The following GRID1 variants were observed in gnomAD, a reference collection of about 807,000 sequenced individuals.
The protein encoded by GRID1 is glutamate ionotropic receptor delta type subunit 1, also known as glutamate receptor ionotropic, delta-1.
In GRID1, 28 loss-of-function variants were observed where a neutral mutation model predicts 98.0. That is an observed-to-expected ratio of 0.29 (90% CI 0.21 to 0.39). The LOEUF (loss-of-function observed/expected upper bound fraction) is 0.39, where lower values mean the gene tolerates loss of function less well. GRID1 is among the 10% of genes least tolerant of loss of function. GRID1 has a pLI of 1.00. For synonymous variants in GRID1, 553 were observed against 538.5 expected (o/e 1.03, Z -0.37); for missense variants, 1,111 against 1,340.5 (o/e 0.83, Z 2.67).
intron 4 of GRID1, among the ~76,000 whole-genome samples, chr10:86,067,095 A>G (rs1003657547): frequency 6.6e-6 from 1 of 152,242 alleles, no homozygotes; most frequent in Non-Finnish European, 1.5e-5. Context: ...TGAGGCACGC[A>G]GGATGCCTTC....
intron 2 of GRID1, among the ~76,000 whole-genome samples, chr10:86,276,021 G>C (rs1435217624): frequency 6.6e-6 from 1 of 152,130 alleles, no homozygotes; most frequent in Non-Finnish European, 1.5e-5. Flanking sequence ...AATCTTAAAG[G>C]CATAAAGAAA....
chr10:85,858,922 T>C (rs192899634), intron 6 of GRID1, among the ~76,000 whole-genome samples: 2 of 152,334 alleles, frequency 1.3e-5, no homozygotes, highest in African/African-American at 4.8e-5. Context: ...AATGTATGAA[T>C]GCAGAGAGGT....
At chr10:86,010,133 C>T (rs1283594019) in intron 4 of GRID1, among the ~76,000 whole-genome samples, 1 of 152,226 alleles carries the variant, frequency 6.6e-6, no homozygotes. Flanking sequence ...TCCTTGACTG[C>T]CCCTGGAATC....
In GRID1 at chr10:85,801,497, C is replaced by A. The variant is rs1842576352; in HGVS notation, c.1233+52999G>T. On this transcript the variant is annotated intron_variant, in intron 8 of 15. Transcript: ENST00000327946. The stretch of plus-strand genomic sequence containing the variant: ...GTGTTAAAAATCTTTAAAACAAATT[C>A]TAAATAACTAAATACAACAGAATTT... 2.0e-5 allele frequency among the ~76,000 whole-genome samples: 3 copies of A among 151,540 alleles called. No individual in the cohort carries two copies. The South Asian group carries it at 6.2e-4, about 31-fold the overall frequency.
At chr10:86,045,714 A>G (rs972437280) in intron 4 of GRID1, among the ~76,000 whole-genome samples, 1 of 152,206 alleles carries the variant, frequency 6.6e-6, no homozygotes, top group Non-Finnish European at 1.5e-5. Context: ...TACTCCATCC[A>G]GCAAATCTTA....
At chr10:86,248,246 T>TC in intron 2 of GRID1, among the ~76,000 whole-genome samples, 1 of 152,242 alleles carries the variant, frequency 6.6e-6, no homozygotes, top group East Asian at 1.9e-4. Flanking sequence ...TCACCCACCT[T>TC]CACCCCCGCA....
chr10:85,991,282 T>G (rs1255816145), intron 4 of GRID1, among the ~76,000 whole-genome samples: 4 of 152,030 alleles, frequency 2.6e-5, no homozygotes, highest in African/African-American at 7.2e-5. Context: ...ACCAGCTGCC[T>G]GTAGAGTCAT....
At chr10:86,296,769 ACATG>A (rs1320483128) in intron 2 of GRID1, among the ~76,000 whole-genome samples, 1 of 140,476 alleles carries the variant, frequency 7.1e-6, no homozygotes, top group Non-Finnish European at 1.5e-5. Flanking sequence ...ATACATACAT[ACATG>A]CATACATACA....
chr10:85,943,737 A>G (rs1303470706), intron 4 of GRID1, among the ~76,000 whole-genome samples: 1 of 152,222 alleles, frequency 6.6e-6, no homozygotes, highest in East Asian at 1.9e-4. Context: ...TTTAGTATTA[A>G]TAAGAAAATA....
chr10:85,709,185 C>A, intron 12 of GRID1: 1 of 270,798 alleles, frequency 3.7e-6, no homozygotes, highest in South Asian at 5.4e-5. Context: ...GGGCTTATGC[C>A]CTGCTGCAGC....
chr10:86,288,381 T>A (rs979730216), intron 2 of GRID1, among the ~76,000 whole-genome samples: 1 of 152,210 alleles, frequency 6.6e-6, no homozygotes, highest in Non-Finnish European at 1.5e-5. Flanking sequence ...GTGTGATCAG[T>A]TACAGTTTTG....
At chr10:85,701,924 T>G (rs1324669403) in intron 12 of GRID1, among the ~76,000 whole-genome samples, 1 of 152,032 alleles carries the variant, frequency 6.6e-6, no homozygotes, top group Non-Finnish European at 1.5e-5. Context: ...AAGAACTTAC[T>G]TATGTAACCA....
intron 8 of GRID1, among the ~76,000 whole-genome samples, chr10:85,812,107 T>C (rs1436151862): frequency 1.3e-5 from 2 of 152,152 alleles, no homozygotes; most frequent in African/African-American, 4.8e-5. Context: ...AACTGTTATT[T>C]AGAAAGGAGG....
rs561517337 is a variant in GRID1, at chr10:85,826,267, G to A, written c.1233+28229C>T. The stretch of plus-strand genomic sequence containing the variant: ...GGAGAATCGCTTGAACCCTGGAGGC[G>A]AAGGTTGCGGTGAGCCGAGATCGCG... On this transcript the variant is annotated intron_variant, in intron 8 of 15. Coordinates refer to ENST00000327946, the MANE Select transcript of GRID1 (RefSeq NM_017551.3). 4.4e-3 allele frequency among the ~76,000 whole-genome samples: 674 copies of A among 152,302 alleles called. 4 individuals are homozygous for A. Among genetic ancestry groups the A allele is most frequent in the Non-Finnish European group, 7.4e-3 (502 of 68,030 alleles).
chr10:86,105,092 G>A (rs1844361661), intron 4 of GRID1, among the ~76,000 whole-genome samples: 1 of 152,178 alleles, frequency 6.6e-6, no homozygotes, highest in Admixed American at 6.5e-5. Flanking sequence ...GATTTACGGT[G>A]GCTCTGAAGA....
chr10:85,846,974 T>C (rs1843012363), intron 8 of GRID1, among the ~76,000 whole-genome samples: 1 of 152,218 alleles, frequency 6.6e-6, no homozygotes, highest in African/African-American at 2.4e-5. Flanking sequence ...TACAAAAGAA[T>C]GAGCAATTTC....
At chr10:86,154,902 G>A (rs921428506) in intron 3 of GRID1, among the ~76,000 whole-genome samples, 7 of 152,008 alleles carry the variant, frequency 4.6e-5, no homozygotes, top group African/African-American at 7.3e-5. Flanking sequence ...CACACTCCCC[G>A]TCTCATTTAC....
intron 8 of GRID1, among the ~76,000 whole-genome samples, chr10:85,809,211 G>A (rs911538074): frequency 1.3e-5 from 2 of 149,884 alleles, no homozygotes; most frequent in African/African-American, 5.0e-5. Flanking sequence ...AAAATAAAAT[G>A]AGGAAAAAAA....
At chr10:85,971,548 C>A (rs543016063) in intron 4 of GRID1, among the ~76,000 whole-genome samples, 2 of 152,078 alleles carry the variant, frequency 1.3e-5, no homozygotes, top group African/African-American at 4.8e-5. Flanking sequence ...TCTGAACAAG[C>A]CTTTTACAAA....
Sources: allele counts gnomAD v4.1 joint callset (sites outside exome capture counted in the v4.1 genomes callset), GRCh38; gene constraint gnomAD v4.1.1; transcripts MANE v1.5; gene names NCBI Gene and HGNC (gene_info 2026-07-23, HGNC 2026-07-21).